The following CTBP2 variants were observed in gnomAD, a reference collection of about 807,000 sequenced individuals.
CTBP2 encodes C-terminal binding protein 2, also known as C-terminal-binding protein 2.
A neutral mutation model predicts 80.3 loss-of-function variants in CTBP2; 30 were observed. That is an observed-to-expected ratio of 0.37 (90% CI 0.28 to 0.51). The LOEUF is 0.51. Ranked by LOEUF, CTBP2 falls within the 20% of genes least tolerant of loss-of-function variation. The probability of loss-of-function intolerance (pLI) is 0.93; values close to 1 mark genes in which losing one functional copy is unlikely to be tolerated. For synonymous variants in CTBP2, 594 were observed against 587.4 expected, an observed-to-expected ratio of 1.01 and a Z score of -0.16; for missense variants, 1,212 against 1,375.3, an observed-to-expected ratio of 0.88 and a Z score of 1.88.
chr10:125,153,368 G>A (rs1443120859), intron 1 of CTBP2, among the ~76,000 whole-genome samples: 6 of 152,310 alleles, frequency 3.9e-5, no homozygotes, highest in Non-Finnish European at 5.9e-5. Context: ...GCCCCCACCC[G>A]TTCCCTTGGT....
At chr10:125,029,163 T>C (rs1161913851), upstream of CTBP2, among the ~76,000 whole-genome samples, 2 of 151,868 alleles carry the variant, frequency 1.3e-5, no homozygotes, top group Non-Finnish European at 2.9e-5. Context: ...TGTTCCTCAC[T>C]CACATCTCTC....
rs1458346145 is a variant in CTBP2 at position 125,155,411 on chromosome 10, T to G, written c.-206+4908A>C. ...TCATTTGTGAATCCCCCCTTTTTTTTTTTACACAATGTGCAAAGCCCTTCT... is the reference window on the plus strand; with the variant it reads ...TCATTTGTGAATCCCCCCTTTTTTTGTTTACACAATGTGCAAAGCCCTTCT... On this transcript the variant is annotated intron_variant, in intron 1 of 10. Coordinates refer to the CTBP2 transcript ENST00000337195. Among the ~76,000 whole-genome samples, 5 of 152,184 alleles carry G rather than the reference T, an allele frequency of 3.3e-5. 1 individual carries two copies. Among genetic ancestry groups the G allele is most frequent in the African/African-American group, 7.2e-5 (3 of 41,436 alleles).
At chr10:125,093,757 C>T (rs759027166) in intron 2 of CTBP2, among the ~76,000 whole-genome samples, 4 of 152,124 alleles carry the variant, frequency 2.6e-5, no homozygotes, top group South Asian at 2.1e-4. Context: ...TGTGCCAGGA[C>T]GCTCAGGGGG....
chr10:125,013,888 G>A (rs958356153), intron 1 of CTBP2, among the ~76,000 whole-genome samples: 1 of 152,218 alleles, frequency 6.6e-6, no homozygotes, highest in Non-Finnish European at 1.5e-5. Context: ...GAAACAGACA[G>A]GTGATCTTGC....
intron 3 of CTBP2, 60 bp from the exon 6 acceptor site, chr10:124,998,230 C>A: frequency 6.5e-7 from 1 of 1,533,284 alleles, no homozygotes; most frequent in Non-Finnish European, 8.8e-7. Flanking sequence ...GGGGAAGCCC[C>A]AGGGCTCCCA....
At position 125,066,090 on chromosome 10, in the gene CTBP2, T is replaced by C. The variant is rs1590471170; in HGVS notation, c.-101-26935A>G. Among the ~76,000 whole-genome samples, 2 of 146,696 alleles carry C rather than the reference T, an allele frequency of 1.4e-5. No homozygotes were observed. Among genetic ancestry groups the C allele is most frequent in the South Asian group, 4.2e-4 (2 of 4,726 alleles). On this transcript the variant is annotated intron_variant, in intron 2 of 10. Transcript: ENST00000337195. The surrounding 1 kb of genome is among the most constrained non-coding windows in gnomAD (Gnocchi z 4.1). ...CACTCTAGCCAAAAAAAAAAAGCCG[T>C]CATCTTCTTGATGGTGAACTCCCTC...
At chr10:125,091,264 G>C (rs986858039) in intron 2 of CTBP2, among the ~76,000 whole-genome samples, 4 of 152,186 alleles carry the variant, frequency 2.6e-5, no homozygotes, top group African/African-American at 9.7e-5. Context: ...GGAGTAACAG[G>C]ACTCCTTTCG....
In CTBP2 at chr10:124,993,543, C is replaced by T. The variant is rs999993003; in HGVS notation, c.2532-214G>A. On this transcript the variant is annotated intron_variant, in intron 6 of 8. Coordinates refer to ENST00000309035, the MANE Select transcript of CTBP2 (RefSeq NM_022802.3). ...CCGTATAATTGGTAGATCAAAAAGC[C>T]CAATTCTATTGAAGGCTTGTCCTGC... 2.6e-5 allele frequency among the ~76,000 whole-genome samples: 4 copies of T among 152,052 alleles called. No homozygotes were observed. The South Asian group carries it at 8.3e-4, about 32-fold the overall frequency.
intron 1 of CTBP2, among the ~76,000 whole-genome samples, chr10:125,124,744 T>C (rs906648310): frequency 5.3e-5 from 8 of 152,228 alleles, no homozygotes; most frequent in African/African-American, 1.9e-4. Flanking sequence ...ACATTTAAAA[T>C]AGAAGTAATC....
At chr10:125,153,260 G>A (rs1166997232) in intron 1 of CTBP2, among the ~76,000 whole-genome samples, 1 of 152,222 alleles carries the variant, frequency 6.6e-6, no homozygotes, top group Non-Finnish European at 1.5e-5. Flanking sequence ...GGCCCTGCCC[G>A]CTGCTGGCGC....
chr10:125,036,668 G>GGTGT (rs59284647), intron 3 of CTBP2, among the ~76,000 whole-genome samples: 165 of 119,326 alleles, frequency 1.4e-3, no homozygotes, highest in East Asian at 8.1e-3. Context: ...AGCTAGAGGG[G>GGTGT]GTGTGTGTGT....
At chr10:124,992,650 G>C (rs3213907) in intron 8 of CTBP2, 45 bp downstream of exon 10, 995,863 of 1,432,882 alleles carry the variant, frequency 0.7, 354,135 homozygotes, top group Non-Finnish European at 0.73. Flanking sequence ...TGGCCCCGGG[G>C]CCGTGGTGCT....
chr10:125,010,183 A>T (rs1475754215), intron 1 of CTBP2, among the ~76,000 whole-genome samples: 2 of 151,170 alleles, frequency 1.3e-5, no homozygotes, highest in Non-Finnish European at 2.9e-5. Flanking sequence ...ATTTGGAAGA[A>T]AATCTGTGTT....
chr10:125,036,507 GA>G (rs57551359), intron 3 of CTBP2, among the ~76,000 whole-genome samples: 69,838 of 149,002 alleles, frequency 0.47, 16,440 homozygotes, highest in East Asian at 0.64. Context: ...CATTTAGAAA[GA>G]AAAAAAAAAC....
At chr10:125,049,103 C>CACACACACACA (rs1590326445) in intron 2 of CTBP2, among the ~76,000 whole-genome samples, 1 of 110,862 alleles carries the variant, frequency 9.0e-6, no homozygotes, top group African/African-American at 3.5e-5. Context: ...GTCCACCTGA[C>CACACACACACA]CACACACATA....
chr10:125,007,083 G>A (rs112317180), intron 1 of CTBP2, among the ~76,000 whole-genome samples: 5 of 152,356 alleles, frequency 3.3e-5, no homozygotes, highest in African/African-American at 1.2e-4. Context: ...TGCCCTCTAT[G>A]CGCTATTTTT....
At chr10:125,104,543 G>A (rs754590623) in intron 2 of CTBP2, among the ~76,000 whole-genome samples, 1 of 152,136 alleles carries the variant, frequency 6.6e-6, no homozygotes, top group Non-Finnish European at 1.5e-5. Flanking sequence ...CAGGATAAGT[G>A]CAGAAAAACG....
At chr10:125,118,346 G>C (rs1853688797) in intron 1 of CTBP2, among the ~76,000 whole-genome samples, 1 of 152,216 alleles carries the variant, frequency 6.6e-6, no homozygotes, top group Non-Finnish European at 1.5e-5. Flanking sequence ...ATAAACAAGG[G>C]CGTGAGATGG....
rs529381740 is a variant in CTBP2 at position 125,059,688 on chromosome 10, C to T, written c.-101-20533G>A. On this transcript the variant is annotated intron_variant, in intron 2 of 10. Transcript: ENST00000337195. The stretch of plus-strand genomic sequence containing the variant: ...AGATTTTCACACTGTTTTTTGACGT[C>T]GACCCCAGAAGCCATGCTCCAAGGC... 3.3e-5 allele frequency among the ~76,000 whole-genome samples: 5 copies of T among 152,254 alleles called. No homozygotes were observed. In the South Asian group the frequency reaches 8.3e-4, roughly 25 times the overall value.
Sources: allele counts gnomAD v4.1 joint callset (sites outside exome capture counted in the v4.1 genomes callset), GRCh38; gene constraint gnomAD v4.1.1; non-coding constraint Gnocchi (gnomAD v3.1); transcripts MANE v1.5; gene names NCBI Gene and HGNC (gene_info 2026-07-23, HGNC 2026-07-21).